The following JAKMIP3 variants were observed in gnomAD, a reference collection of about 807,000 sequenced individuals.
JAKMIP3 encodes janus kinase and microtubule-interacting protein 3.
Under a neutral mutation model 118.5 loss-of-function variants are expected in JAKMIP3, and 58 were observed. The ratio of observed to expected loss-of-function variants is 0.49; its 90% CI spans 0.40 to 0.61. The LOEUF (loss-of-function observed/expected upper bound fraction) is 0.61, where lower values mean the gene tolerates loss of function less well. Ranked by LOEUF, JAKMIP3 falls within the 20% of genes least tolerant of loss-of-function variation. JAKMIP3 has a pLI of 0.00. For missense variants in JAKMIP3, 950 were observed against 1,109.0 expected (o/e 0.86, Z 2.04); for synonymous variants, 486 against 451.2 (o/e 1.08, Z -0.98).
intron 2 of JAKMIP3, among the ~76,000 whole-genome samples, chr10:132,109,074 A>ACACG (rs10641492): frequency 7.4e-4 from 2 of 2,686 alleles, no homozygotes; most frequent in Non-Finnish European, 4.1e-3. Flanking sequence ...ATACACACAT[A>ACACG]CACATATATA....
Position 132,117,308 on chromosome 10 carries a change from C to G in JAKMIP3, c.367C>G (p.Leu123Val). 6.2e-7 allele frequency: 1 copy of G among 1,613,984 alleles called. No homozygotes were observed. Among genetic ancestry groups the G allele is most frequent in the Non-Finnish European group, 8.5e-7 (1 of 1,179,902 alleles). Residue 123 changes from leucine (L) to valine (V), a missense_variant, in exon 3 of 24, where the codon CTG (leucine) becomes GTG (valine). Coordinates refer to ENST00000684848, the MANE Select transcript of JAKMIP3 (RefSeq NM_001323087.2). The surrounding 1 kb of genome is among the most constrained non-coding windows in gnomAD (Gnocchi z 8.6). ...GCGGCTGCAGGCACTGCTCAGTGCC[C>G]TGCGTGATGGCGGCCCCGAAAAGGT... ...NQRLQALLSA[L>V]RDGGPEKVKT...
chr10:132,040,333 T>G (rs997494123), intron 1 of JAKMIP3, among the ~76,000 whole-genome samples: 1 of 152,116 alleles, frequency 6.6e-6, no homozygotes, highest in Non-Finnish European at 1.5e-5. Context: ...AGAAATGTCT[T>G]GTTTAGGCTG....
At chr10:132,103,367 G>T (rs969165679) in intron 1 of JAKMIP3, among the ~76,000 whole-genome samples, 1 of 149,244 alleles carries the variant, frequency 6.7e-6, no homozygotes, top group Non-Finnish European at 1.5e-5. Flanking sequence ...GGAACATCAG[G>T]GGGAGAGAGG....
At chr10:132,040,359 A>G (rs865901233) in intron 1 of JAKMIP3, among the ~76,000 whole-genome samples, 10 of 152,118 alleles carry the variant, frequency 6.6e-5, no homozygotes, top group Admixed American at 3.3e-4. Flanking sequence ...TCTGTGGCAT[A>G]TTGTGATGGG....
intron 1 of JAKMIP3, among the ~76,000 whole-genome samples, chr10:132,038,923 C>CAG (rs1332349623): frequency 6.6e-6 from 1 of 151,958 alleles, no homozygotes; most frequent in African/African-American, 2.4e-5. Flanking sequence ...TGCAGGGGCT[C>CAG]AGGAGAAGCC....
intron 1 of JAKMIP3, among the ~76,000 whole-genome samples, chr10:132,091,180 A>AG (rs1007486384): frequency 6.6e-6 from 1 of 152,164 alleles, no homozygotes; most frequent in Admixed American, 6.5e-5. Context: ...GTATTTGCTG[A>AG]GGAGTGCTTT....
chr10:132,167,813 C>T, intron 22 of JAKMIP3, 140 bp from the exon 23 acceptor site: 1 of 350,326 alleles, frequency 2.9e-6, no homozygotes, highest in Non-Finnish European at 5.3e-6. Flanking sequence ...CCTCACCCCT[C>T]ACCCCTCGGC....
intron 1 of JAKMIP3, among the ~76,000 whole-genome samples, chr10:132,075,790 A>C (rs567367742): frequency 2.3e-4 from 35 of 152,188 alleles, no homozygotes; most frequent in Non-Finnish European, 3.8e-4. Context: ...CCAAATGAAT[A>C]AAAATAAAAA....
chr10:132,172,408 G>A (rs552032049), intron 23 of JAKMIP3, among the ~76,000 whole-genome samples: 3 of 152,126 alleles, frequency 2.0e-5, no homozygotes, highest in East Asian at 1.9e-4. Flanking sequence ...GGGGAGATTC[G>A]CCGAGACTGA....
chr10:132,137,141 A>G lies in JAKMIP3; in HGVS notation c.1239A>G (p.Glu413=). Residue 413 remains glutamate, a synonymous_variant, in exon 7 of 24, where the codon GAA becomes GAG. Coordinates refer to ENST00000684848, the MANE Select transcript of JAKMIP3 (RefSeq NM_001323087.2). ...TGGAGCAGCAAAACCTCATAGATGA[A>G]CTGTCTAAGGTACCCGGCGGGCTGT... ...QIVEQQNLID[E]LSKTLETAGY... is the part of the protein sequence containing the mutation. 1 of 1,613,886 alleles carries G rather than the reference A, an allele frequency of 6.2e-7. No homozygotes were observed.
intron 23 of JAKMIP3, among the ~76,000 whole-genome samples, chr10:132,170,646 G>A (rs376970765): frequency 1.2e-4 from 18 of 152,214 alleles, no homozygotes; most frequent in East Asian, 1.2e-3. Context: ...CCTGCTCCCA[G>A]CGTGTGTCCA....
chr10:132,138,393 G>A (rs982345341), intron 9 of JAKMIP3, among the ~76,000 whole-genome samples: 4 of 135,492 alleles, frequency 3.0e-5, no homozygotes, highest in African/African-American at 5.9e-5. Context: ...TGGAGAGTAC[G>A]CCGGGTGTGT....
In JAKMIP3 at chr10:132,104,714, T is replaced by A. The variant is rs1397195013; in HGVS notation, c.-95T>A. 3.1e-6 allele frequency: 4 copies of A among 1,305,074 alleles called. No individual in the cohort carries two copies. Among genetic ancestry groups the A allele is most frequent in the East Asian group, 2.5e-5 (1 of 39,368 alleles). 80.8% of individuals were successfully genotyped at this position (1,305,074 alleles called of 1,614,324 possible). A position where few individuals can be genotyped will look rare whatever the true frequency, so the allele number is the denominator to read the frequency against. On this transcript the variant is annotated 5_prime_UTR_variant, in exon 2 of 24. Transcript: ENST00000684848. ...GTGTGACAGCAGCCCGGGTGACACCTGCTGGGAGCTTGGCGTGGACACCCC... is the reference window on the plus strand; with the variant it reads ...GTGTGACAGCAGCCCGGGTGACACCAGCTGGGAGCTTGGCGTGGACACCCC...
At chr10:132,158,756 G>T (rs112348356) in intron 19 of JAKMIP3, among the ~76,000 whole-genome samples, 10 of 254 alleles carry the variant, frequency 0.039, no homozygotes, top group African/African-American at 0.068. Context: ...GCATCTTCCT[G>T]TGTGATGCTG....
chr10:132,148,587 C>T (rs1265004849), intron 14 of JAKMIP3, among the ~76,000 whole-genome samples: 7 of 152,218 alleles, frequency 4.6e-5, no homozygotes, highest in Admixed American at 2.0e-4. Flanking sequence ...CCTCCGCCGT[C>T]GGCAGACGTT....
chr10:132,136,640 C>T (rs1589906853), intron 6 of JAKMIP3, among the ~76,000 whole-genome samples: 2 of 152,198 alleles, frequency 1.3e-5, no homozygotes, highest in South Asian at 2.1e-4. Context: ...TCTATGGAAG[C>T]CCCCTTCTTT....
Position 132,170,985 on chromosome 10 carries a change from C to T in JAKMIP3, c.*1103+1952C>T, listed in dbSNP as rs113261303. Among the ~76,000 whole-genome samples the T allele has an allele frequency of 5.7e-3, 865 of 152,362 alleles. 15 individuals are homozygous for T. The highest frequency in any genetic ancestry group is 0.019 in the African/African-American group (803 of 41,582). On this transcript the variant is annotated intron_variant, in intron 23 of 23. Transcript: ENST00000684848. The stretch of plus-strand genomic sequence containing the variant: ...GTCAGCCCCAGATGCTCGTGGAGGG[C>T]TGTCACCCAACCCTGCAGCTAACCC...
intron 23 of JAKMIP3, among the ~76,000 whole-genome samples, chr10:132,174,278 T>C (rs950136824): frequency 9.2e-5 from 14 of 152,170 alleles, no homozygotes; most frequent in Admixed American, 2.6e-4. Context: ...CAGTTTTGCC[T>C]CTTCCACATC....
intron 13 of JAKMIP3, among the ~76,000 whole-genome samples, chr10:132,145,996 C>T (rs993601984): frequency 6.6e-6 from 1 of 152,212 alleles, no homozygotes; most frequent in Non-Finnish European, 1.5e-5. Context: ...AAGCTGAAGT[C>T]CTCGGGGAAG....
Sources: allele counts gnomAD v4.1 joint callset (sites outside exome capture counted in the v4.1 genomes callset), GRCh38; gene constraint gnomAD v4.1.1; non-coding constraint Gnocchi (gnomAD v3.1); transcripts MANE v1.5; gene names NCBI Gene and HGNC (gene_info 2026-07-23, HGNC 2026-07-21).